Variants in TRAPPC9 observed in about 807,000 individuals in gnomAD.
TRAPPC9 encodes the protein IKK2 binding protein.
A neutral mutation model predicts 124.0 loss-of-function variants in TRAPPC9; 83 were observed. The ratio of observed to expected loss-of-function variants is 0.67; its 90% CI spans 0.56 to 0.80. The LOEUF is 0.80. TRAPPC9 is among the 30% of genes least tolerant of loss of function. TRAPPC9 has a pLI of 0.00. For synonymous variants in TRAPPC9, 638 were observed against 617.5 expected, an observed-to-expected ratio of 1.03 and a Z score of -0.49; for missense variants, 1,302 against 1,508.3, an observed-to-expected ratio of 0.86 and a Z score of 2.27.
intron 17 of TRAPPC9, among the ~76,000 whole-genome samples, chr8:140,119,367 A>C (rs1587745046): frequency 6.6e-6 from 1 of 152,288 alleles, no homozygotes; most frequent in East Asian, 1.9e-4. Flanking sequence ...ATGGCCCCTC[A>C]AGCAGTTCCT....
chr8:140,352,547 C>T (rs1261247357), intron 9 of TRAPPC9, among the ~76,000 whole-genome samples: 1 of 152,152 alleles, frequency 6.6e-6, no homozygotes, highest in Non-Finnish European at 1.5e-5. Context: ...CTTCCCAACA[C>T]CTTAGGACTG....
At chr8:139,767,480 G>A (rs371821271) in intron 21 of TRAPPC9, among the ~76,000 whole-genome samples, 23 of 152,354 alleles carry the variant, frequency 1.5e-4, no homozygotes, top group African/African-American at 5.3e-4. Context: ...CAAAGTGGGA[G>A]GGAGTGAAAG....
chr8:139,827,452 G>A (rs1457825001), intron 21 of TRAPPC9, among the ~76,000 whole-genome samples: 2 of 152,204 alleles, frequency 1.3e-5, no homozygotes, highest in Non-Finnish European at 2.9e-5. Flanking sequence ...ACCCCCTGAT[G>A]GGGACTCCGG....
chr8:140,152,531 T>C (rs2061562442), intron 17 of TRAPPC9, among the ~76,000 whole-genome samples: 1 of 151,300 alleles, frequency 6.6e-6, no homozygotes, highest in Non-Finnish European at 1.5e-5. Flanking sequence ...TGGCTAATTT[T>C]TTGTATTTTT....
chr8:139,965,708 T>G (rs62526999), intron 19 of TRAPPC9, among the ~76,000 whole-genome samples: 1 of 152,196 alleles, frequency 6.6e-6, no homozygotes, highest in Non-Finnish European at 1.5e-5. Flanking sequence ...CATACCCTAG[T>G]GCAAGGGGAA....
At chr8:139,919,102 C>A (rs1832339397) in intron 19 of TRAPPC9, among the ~76,000 whole-genome samples, 1 of 152,238 alleles carries the variant, frequency 6.6e-6, no homozygotes, top group African/African-American at 2.4e-5. Flanking sequence ...CTCCCCGAGG[C>A]TTTGGCGCCC....
At chr8:140,274,387 C>T (rs1042445014) in intron 15 of TRAPPC9, among the ~76,000 whole-genome samples, 2 of 152,214 alleles carry the variant, frequency 1.3e-5, no homozygotes, top group Admixed American at 1.3e-4. Context: ...GCTCCAGCCC[C>T]GTGACCATGC....
At chr8:139,928,829 C>G (rs1170401905) in intron 19 of TRAPPC9, among the ~76,000 whole-genome samples, 1 of 151,402 alleles carries the variant, frequency 6.6e-6, no homozygotes, top group Non-Finnish European at 1.5e-5. Context: ...TTTGTGGGTG[C>G]ATTTTTATCT....
chr8:139,821,471 C>T (rs1235464593), intron 21 of TRAPPC9, among the ~76,000 whole-genome samples: 3 of 152,172 alleles, frequency 2.0e-5, no homozygotes, highest in Admixed American at 6.5e-5. Context: ...AGCAGGACCC[C>T]GCTTCTGTAA....
At chr8:140,117,734 T>A (rs1438823592) in intron 17 of TRAPPC9, among the ~76,000 whole-genome samples, 1 of 152,080 alleles carries the variant, frequency 6.6e-6, no homozygotes, top group South Asian at 2.1e-4. Context: ...GTGAAAAAAA[T>A]AAACATAGGA....
intron 17 of TRAPPC9, among the ~76,000 whole-genome samples, chr8:140,086,844 A>G: frequency 6.6e-6 from 1 of 152,030 alleles, no homozygotes; most frequent in East Asian, 1.9e-4. Context: ...CTGAAGGAGA[A>G]TTGCTTGAAC....
chr8:140,372,210 G>A (rs1297925973), intron 7 of TRAPPC9, among the ~76,000 whole-genome samples: 1 of 152,236 alleles, frequency 6.6e-6, no homozygotes, highest in Middle Eastern at 3.2e-3. Flanking sequence ...AGCGCCTTCA[G>A]AGAAGAAGGA....
chr8:139,886,912 T>C (rs889724857), intron 20 of TRAPPC9, among the ~76,000 whole-genome samples: 3 of 152,106 alleles, frequency 2.0e-5, no homozygotes, highest in Non-Finnish European at 4.4e-5. Flanking sequence ...GCTCCTGCAG[T>C]CTGAGGTAGA....
rs1275434765 is a variant in TRAPPC9 at position 139,728,281 on chromosome 8, T to C, written c.*2780A>G. Among the ~76,000 whole-genome samples the C allele has an allele frequency of 6.6e-6, 1 of 152,188 alleles. No homozygotes were observed. Among genetic ancestry groups the C allele is most frequent in the Non-Finnish European group, 1.5e-5 (1 of 68,040 alleles). Reference sequence around the variant, plus strand: ...GATTATGGGGTCACCGGGCCTGTCCTGGCCCTGAGGGACCAAGGATCAGAA... The same window carrying C: ...GATTATGGGGTCACCGGGCCTGTCCCGGCCCTGAGGGACCAAGGATCAGAA... On this transcript the variant is annotated 3_prime_UTR_variant, in exon 23 of 23. Coordinates refer to ENST00000438773, the MANE Select transcript of TRAPPC9 (RefSeq NM_001160372.4).
intron 17 of TRAPPC9, among the ~76,000 whole-genome samples, chr8:140,094,727 A>T (rs1277708080): frequency 2.0e-5 from 3 of 152,162 alleles, no homozygotes; most frequent in African/African-American, 7.2e-5. Context: ...CTATGCCGCA[A>T]CAGAGGCAAG....
intron 21 of TRAPPC9, among the ~76,000 whole-genome samples, chr8:139,796,542 TA>T (rs1193341869): frequency 6.6e-6 from 1 of 152,250 alleles, no homozygotes; most frequent in African/African-American, 2.4e-5. Context: ...TCACTTAGCA[TA>T]ATGTTTTCAT....
intron 17 of TRAPPC9, chr8:140,082,003 G>GC (rs1359496451): frequency 3.3e-5 from 5 of 152,268 alleles, no homozygotes; most frequent in Admixed American, 6.5e-5. Context: ...AACTCCTCAG[G>GC]CCCAGCCTTC....
chr8:140,331,633 A>ATCATCATCATCATCATCATCATCG (rs1265270739), intron 9 of TRAPPC9, among the ~76,000 whole-genome samples: 1 of 152,068 alleles, frequency 6.6e-6, no homozygotes, highest in East Asian at 1.9e-4. Flanking sequence ...CATCATCATC[A>ATCATCATCATCATCATCATCATCG]TCATCATCAC....
chr8:140,009,578 G>C (rs1272052352), intron 18 of TRAPPC9, among the ~76,000 whole-genome samples: 1 of 152,176 alleles, frequency 6.6e-6, no homozygotes, highest in African/African-American at 2.4e-5. Context: ...CTGTGAAATA[G>C]CAAGGCTTAG....
Sources: allele counts gnomAD v4.1 joint callset (sites outside exome capture counted in the v4.1 genomes callset), GRCh38; gene constraint gnomAD v4.1.1; transcripts MANE v1.5; gene names NCBI Gene and HGNC (gene_info 2026-07-23, HGNC 2026-07-21).